Variants in ADH1C observed in about 807,000 individuals in gnomAD.
The protein encoded by ADH1C is alcohol dehydrogenase 1C (class I), gamma polypeptide, also known as alcohol dehydrogenase 1C.
In ADH1C, 26 loss-of-function variants were observed where a neutral mutation model predicts 35.0. The ratio of observed to expected loss-of-function variants is 0.74; its 90% CI spans 0.54 to 1.03. ADH1C has a LOEUF of 1.03. ADH1C is among the 50% of genes least tolerant of loss of function. The pLI is 0.00. For synonymous variants in ADH1C, 170 were observed against 169.3 expected (o/e 1.00, Z -0.03); for missense variants, 413 against 465.4 (o/e 0.89, Z 1.04).
At chr4:99,337,694 T>G (rs772014101) in intron 8 of ADH1C, among the ~76,000 whole-genome samples, 1 of 152,118 alleles carries the variant, frequency 6.6e-6, no homozygotes, top group Non-Finnish European at 1.5e-5. Flanking sequence ...TCTGTAATCT[T>G]ACGACCTCGG....
At chr4:99,346,979 C>T (rs1195819288) in intron 3 of ADH1C, 27 bp downstream of exon 3, 4 of 1,608,730 alleles carry the variant, frequency 2.5e-6, no homozygotes, top group African/African-American at 2.7e-5. Flanking sequence ...TGAACCAAGG[C>T]ATGTTCCCTG....
At position 99,339,601 on chromosome 4, in the gene ADH1C, A is replaced by G. The variant is rs756221299; in HGVS notation, c.1079T>C (p.Phe360Ser). The G allele has an allele frequency of 1.2e-6, 2 of 1,606,214 alleles. No individual in the cohort carries two copies. The highest frequency in any genetic ancestry group is 1.7e-6 in the Non-Finnish European group (2 of 1,176,672). ...CCTCTTTCCAGAGCGAAGCAGGTCA[A>G]ATCCTTCATTTATTTTTTCAAAAGG... ...ILPFEKINEGFDLLRSGKSIR... is the reference protein window; with the variant it reads ...ILPFEKINEGSDLLRSGKSIR... Residue 360 changes from phenylalanine (F) to serine (S), a missense_variant, in exon 8 of 9, where the codon TTT becomes TCT. Phe to Ser is a radical substitution (Grantham distance 155, BLOSUM62 -2). Transcript: ENST00000515683.
At chr4:99,342,654 C>T (rs977024069) in intron 6 of ADH1C, 141 bp downstream of exon 6, 2 of 1,372,784 alleles carry the variant, frequency 1.5e-6, no homozygotes, top group Admixed American at 2.2e-5. Flanking sequence ...ATAAATTAAA[C>T]AAGCCAGGTA....
intron 6 of ADH1C, 147 bp downstream of exon 6, chr4:99,342,648 A>G: frequency 3.7e-6 from 5 of 1,349,176 alleles, no homozygotes; most frequent in Non-Finnish European, 5.1e-6. Context: ...ATAACAATAA[A>G]TTAAACAAGC....
rs1181502021 is a variant in ADH1C, at chr4:99,347,807, T to C, written c.58A>G (p.Lys20Glu). The C allele has an allele frequency of 1.2e-6, 2 of 1,613,834 alleles. No homozygotes were observed. The highest frequency in any genetic ancestry group is 1.7e-6 in the Non-Finnish European group (2 of 1,179,844). ...CKAAVLWELK[K>E]PFSIEEVEVA... ...TCTACCTCCTCAATGGAAAAGGGTT[T>C]CTTTAACTCCCATAGCACAGCTGCT... is the stretch of plus-strand genomic sequence containing the variant. The change falls in exon 2 of 9, where the codon AAA becomes GAA. Residue 20 changes from lysine to glutamate, a missense_variant. Transcript: ENST00000515683.
At chr4:99,336,916 TGGG>T in intron 8 of ADH1C, 140 bp from the exon 9 acceptor site, 2 of 1,218,804 alleles carry the variant, frequency 1.6e-6, no homozygotes, top group Non-Finnish European at 2.3e-6. Context: ...CCTATGCATT[TGGG>T]TCAAGTCAAG....
At chr4:99,342,692 C>T in intron 6 of ADH1C, 103 bp downstream of exon 6, 1 of 1,512,232 alleles carries the variant, frequency 6.6e-7, no homozygotes, top group South Asian at 1.3e-5. Flanking sequence ...AATTTCCATT[C>T]ATCATTAAAA....
rs1734447732 is a variant in ADH1C, at chr4:99,342,850, A to C, written c.773T>G (p.Met258Arg). Reference sequence around the variant, plus strand: ...CGAAAAATCCACACCTCCATCAGTCATTTCCTTTAGCACTTCCTGAATGGG... The same window carrying C: ...CGAAAAATCCACACCTCCATCAGTCCTTTCCTTTAGCACTTCCTGAATGGG... Reference protein sequence around the residue: ...KKPIQEVLKEMTDGGVDFSFE... With the variant: ...KKPIQEVLKERTDGGVDFSFE... The change falls in exon 6 of 9, where the codon ATG (methionine) becomes AGG (arginine). Residue 258 changes from methionine to arginine, a missense_variant. Transcript: ENST00000515683. The C allele has an allele frequency of 1.2e-6, 2 of 1,613,882 alleles. No homozygotes were observed. The highest frequency in any genetic ancestry group is 2.7e-5 in the African/African-American group (2 of 74,908).
chr4:99,346,212 G>A (rs1380817251), intron 3 of ADH1C, among the ~76,000 whole-genome samples: 1 of 152,020 alleles, frequency 6.6e-6, no homozygotes, highest in Non-Finnish European at 1.5e-5. Context: ...AAAATGATTG[G>A]TGCATAACAT....
rs571410967 is a variant in ADH1C at position 99,345,266 on chromosome 4, C to T, written c.260G>A (p.Gly87Asp). 1.9e-6 allele frequency: 3 copies of T among 1,612,528 alleles called. No homozygotes were observed. The highest frequency in any genetic ancestry group is 1.3e-5 in the African/African-American group (1 of 75,002). ...VGEGVTTVKPGDKVIPLFTPQ... is the reference protein window; with the variant it reads ...VGEGVTTVKPDDKVIPLFTPQ... The stretch of plus-strand genomic sequence containing the variant: ...AGTAAAGAGCGGGATGACTTTATCA[C>T]CTGCAGAGGAATAAAACAAATTCTT... Residue 87 changes from glycine to aspartate, a missense_variant and splice_region_variant, in exon 4 of 9, where the codon GGT becomes GAT. Coordinates refer to ENST00000515683, the MANE Select transcript of ADH1C (RefSeq NM_000669.5).
intron 1 of ADH1C, among the ~76,000 whole-genome samples, chr4:99,348,270 T>TC (rs1258782385): frequency 3.1e-5 from 3 of 95,844 alleles, no homozygotes; most frequent in Non-Finnish European, 6.0e-5. Flanking sequence ...ATGCTATCCC[T>TC]CCCCCCTCCC....
intron 5 of ADH1C, among the ~76,000 whole-genome samples, chr4:99,343,876 C>T (rs1234174435): frequency 1.3e-5 from 2 of 152,156 alleles, no homozygotes; most frequent in Non-Finnish European, 2.9e-5. Flanking sequence ...CCATAGTCAG[C>T]CTTCGTTTTG....
intron 6 of ADH1C, among the ~76,000 whole-genome samples, chr4:99,341,114 A>G (rs1265539932): frequency 9.2e-5 from 14 of 152,214 alleles, no homozygotes; most frequent in Non-Finnish European, 2.9e-5. Context: ...TATTTTGATG[A>G]TGAACAAGAT....
intron 1 of ADH1C, among the ~76,000 whole-genome samples, chr4:99,351,605 G>GAAAGT (rs558316151): frequency 3.9e-5 from 6 of 152,150 alleles, no homozygotes; most frequent in African/African-American, 1.2e-4. Context: ...AATAATGAAT[G>GAAAGT]AAAGTAAAGT....
intron 5 of ADH1C, 138 bp downstream of exon 5, chr4:99,344,724 C>G (rs1000870720): frequency 1.8e-6 from 2 of 1,119,342 alleles, no homozygotes; most frequent in African/African-American, 3.1e-5. Context: ...GCTCTCAGTT[C>G]TTTCTGGGTC....
At chr4:99,347,898 A>C (rs1257041246) in intron 1 of ADH1C, 52 bp from the exon 2 acceptor site, 9 of 1,599,552 alleles carry the variant, frequency 5.6e-6, no homozygotes, top group African/African-American at 1.3e-5. Context: ...GCTTGCAGTC[A>C]GAAATTGTGT....
chr4:99,340,468 T>C, intron 7 of ADH1C, 107 bp downstream of exon 7: 1 of 1,341,754 alleles, frequency 7.5e-7, no homozygotes, highest in Non-Finnish European at 1.0e-6. Flanking sequence ...AAAGAAATTT[T>C]AATTTATTTT....
rs192494003 is a variant in ADH1C, at chr4:99,339,029, C to T, written c.1103+548G>A. 3.2e-4 allele frequency among the ~76,000 whole-genome samples: 49 copies of T among 151,882 alleles called. 1 individual carries two copies. In the East Asian group the frequency reaches 8.3e-3, roughly 26 times the overall value. ...GGTTTAGTACCCTTCTCTTTTACAA[C>T]AACTTTTCTTAGTAAATTTTTTTTT... is the stretch of plus-strand genomic sequence containing the variant. On this transcript the variant is annotated intron_variant, in intron 8 of 8. Transcript: ENST00000515683.
At chr4:99,338,393 T>TTATA (rs1334509876) in intron 8 of ADH1C, among the ~76,000 whole-genome samples, 1,711 of 72,974 alleles carry the variant, frequency 0.023, 327 homozygotes, top group African/African-American at 0.035. Flanking sequence ...GAATACTGTT[T>TTATA]TCTATATATA....
Sources: gnomAD v4.1 joint callset for allele counts (sites outside exome capture counted in the v4.1 genomes callset) on GRCh38, gnomAD v4.1.1 for gene constraint, MANE v1.5 for transcripts, NCBI Gene and HGNC (gene_info 2026-07-23, HGNC 2026-07-21) for gene names.